Variants in ATAD2B observed in about 807,000 individuals in gnomAD.
ATAD2B encodes the protein ATPase family AAA domain-containing protein 2B.
In ATAD2B, 40 loss-of-function variants were observed where a neutral mutation model predicts 167.6. That is an observed-to-expected ratio of 0.24 (90% confidence interval 0.19 to 0.31). The LOEUF (loss-of-function observed/expected upper bound fraction) is 0.31. ATAD2B is among the 10% of genes least tolerant of loss of function. ATAD2B has a pLI of 1.00. For missense variants in ATAD2B, 1,242 were observed against 1,757.2 expected (o/e 0.71, Z 5.24); for synonymous variants, 579 against 596.5 (o/e 0.97, Z 0.43).
the ATAD2B span, among the ~76,000 whole-genome samples, chr2:23,715,111 G>C: frequency 6.6e-6 from 1 of 152,106 alleles, no homozygotes; most frequent in Non-Finnish European, 1.5e-5. Context: ...AGCTGCAAAA[G>C]TGTGACCTGA....
chr2:23,732,658 A>G, the ATAD2B span, among the ~76,000 whole-genome samples: 5 of 152,198 alleles, frequency 3.3e-5, no homozygotes, highest in Non-Finnish European at 5.9e-5. Flanking sequence ...AATTTCCTAA[A>G]CTTCACAACA....
intron 19 of ATAD2B, among the ~76,000 whole-genome samples, chr2:23,791,223 G>C (rs1427330875): frequency 6.6e-6 from 1 of 152,160 alleles, no homozygotes; most frequent in Non-Finnish European, 1.5e-5. Context: ...TTGCTAGTAT[G>C]AGTACAACAA....
At chr2:23,737,820 A>G in the ATAD2B span, among the ~76,000 whole-genome samples, 1 of 152,176 alleles carries the variant, frequency 6.6e-6, no homozygotes, top group Non-Finnish European at 1.5e-5. Flanking sequence ...AGATGAATGG[A>G]TAACTAGAAT....
the ATAD2B span, chr2:23,697,242 G>A: frequency 2.0e-5 from 3 of 152,352 alleles, no homozygotes; most frequent in African/African-American, 4.8e-5. Context: ...GGGTGCTTCC[G>A]GATGAGAATA....
intron 15 of ATAD2B, among the ~76,000 whole-genome samples, chr2:23,825,202 C>T (rs1316238482): frequency 2.6e-5 from 4 of 151,192 alleles, no homozygotes; most frequent in Non-Finnish European, 4.4e-5. Flanking sequence ...CCTCACCCTC[C>T]CAAAGTGCTG....
At chr2:23,680,744 T>C in the ATAD2B span, among the ~76,000 whole-genome samples, 7 of 147,252 alleles carry the variant, frequency 4.8e-5, no homozygotes, top group African/African-American at 1.8e-4. The surrounding 1 kb of genome is among the most constrained non-coding windows in gnomAD (Gnocchi z 4.1). Context: ...TCCCCTGGGG[T>C]CTCTAGGCCA....
At chr2:23,867,509 A>G (rs1573129115) in intron 10 of ATAD2B, among the ~76,000 whole-genome samples, 1 of 152,318 alleles carries the variant, frequency 6.6e-6, no homozygotes, top group East Asian at 1.9e-4. Context: ...TAACTATATC[A>G]TAGCCAGAGT....
rs762510227 is a variant in ATAD2B, at chr2:23,765,584, G to A, written c.3178C>T (p.His1060Tyr). The A allele has an allele frequency of 2.1e-5, 33 of 1,564,684 alleles. No homozygotes were observed. The highest frequency in any genetic ancestry group is 2.7e-5 in the Non-Finnish European group (31 of 1,150,166). The change falls in exon 23 of 28, where the codon CAT (histidine) becomes TAT (tyrosine). Residue 1060 changes from histidine to tyrosine, a missense_variant. This residue lies in a region of ATAD2B where 204 missense variants were observed against 324.0 expected (regional missense o/e 0.63). Coordinates refer to ENST00000238789, the MANE Select transcript of ATAD2B (RefSeq NM_017552.4). ...HRACTLKDTA[H>Y]AIIAAELDPE... The stretch of plus-strand genomic sequence containing the variant: ...TCTAATTCAGCTGCAATGATAGCAT[G>A]TGCAGTGTCCTTCAGGGTACAAGCC...
chr2:23,699,114 C>T, the ATAD2B span, among the ~76,000 whole-genome samples: 2 of 152,230 alleles, frequency 1.3e-5, no homozygotes, highest in African/African-American at 2.4e-5. Flanking sequence ...ATTCCAGCCT[C>T]GTCTCAAATC....
At chr2:23,753,886 G>A (rs1276853867) in intron 27 of ATAD2B, among the ~76,000 whole-genome samples, 1 of 152,024 alleles carries the variant, frequency 6.6e-6, no homozygotes, top group Non-Finnish European at 1.5e-5. Flanking sequence ...TAAGCAAGTA[G>A]GGAGAGAATT....
intron 24 of ATAD2B, among the ~76,000 whole-genome samples, chr2:23,759,394 T>C (rs923523931): frequency 3.9e-5 from 6 of 152,174 alleles, no homozygotes; most frequent in Non-Finnish European, 7.4e-5. Flanking sequence ...CAGAAAGGAA[T>C]ATGGTCTTTT....
intron 18 of ATAD2B, among the ~76,000 whole-genome samples, chr2:23,802,737 A>T (rs1683699485): frequency 6.6e-6 from 1 of 152,112 alleles, no homozygotes; most frequent in African/African-American, 2.4e-5. Flanking sequence ...GCTACAGAGA[A>T]ATCCAGAAAT....
At chr2:23,795,491 A>T (rs1334805361) in intron 19 of ATAD2B, among the ~76,000 whole-genome samples, 1 of 152,146 alleles carries the variant, frequency 6.6e-6, no homozygotes, top group African/African-American at 2.4e-5. Flanking sequence ...ACCTACAGCT[A>T]CTTGGTCTAC....
chr2:23,678,954 G>T, the ATAD2B span, among the ~76,000 whole-genome samples: 1 of 151,776 alleles, frequency 6.6e-6, no homozygotes, highest in African/African-American at 2.4e-5. Flanking sequence ...GTTTCCGTTT[G>T]TGAAGATGAA....
the ATAD2B span, chr2:23,696,133 G>T: frequency 6.4e-7 from 1 of 1,550,938 alleles, no homozygotes; most frequent in Non-Finnish European, 8.7e-7. This position sits in a 1 kb window ranked among gnomAD's most constrained non-coding sequence, Gnocchi z 5.5. Flanking sequence ...CTACCTCTCA[G>T]GTGAGGCCCC....
the ATAD2B span, among the ~76,000 whole-genome samples, chr2:23,686,860 G>GGGT: frequency 6.6e-6 from 1 of 152,160 alleles, no homozygotes; most frequent in Non-Finnish European, 1.5e-5. Flanking sequence ...GCCAAGCCCA[G>GGGT]GGTGCCCTGT....
intron 14 of ATAD2B, among the ~76,000 whole-genome samples, chr2:23,833,350 T>A (rs1431783210): frequency 6.7e-6 from 1 of 149,946 alleles, no homozygotes; most frequent in South Asian, 2.2e-4. Context: ...ATTATACTAG[T>A]CAAACCAAGA....
intron 13 of ATAD2B, among the ~76,000 whole-genome samples, chr2:23,852,713 G>T (rs2675360): frequency 1.3e-5 from 2 of 152,046 alleles, no homozygotes; most frequent in East Asian, 3.9e-4. Flanking sequence ...GAGGTCAGGC[G>T]TTCAAGACAA....
chr2:23,745,116 G>A (rs974688105), downstream of ATAD2B, among the ~76,000 whole-genome samples: 2 of 151,862 alleles, frequency 1.3e-5, no homozygotes, highest in African/African-American at 2.4e-5. Context: ...TGAAACCCCC[G>A]TCCCTACAAA....
Sources: gnomAD v4.1 joint callset for allele counts (sites outside exome capture counted in the v4.1 genomes callset) on GRCh38, gnomAD v4.1.1 for gene constraint, gnomAD v4.1.1 regional missense constraint, Gnocchi (gnomAD v3.1) non-coding constraint, MANE v1.5 for transcripts, NCBI Gene and HGNC (gene_info 2026-07-23, HGNC 2026-07-21) for gene names.